Variants in RASL10B observed in about 807,000 individuals in gnomAD.
The protein encoded by RASL10B is RAS like family 10 member B, also known as ras-like protein family member 10B.
In RASL10B, 10 loss-of-function variants were observed where a neutral mutation model predicts 20.7. That is an observed-to-expected ratio of 0.48 (90% CI 0.30 to 0.82). The LOEUF is 0.82. Ranked by LOEUF, RASL10B falls within the 40% of genes least tolerant of loss-of-function variation. RASL10B has a pLI of 0.07. For synonymous variants in RASL10B, 110 were observed against 123.3 expected (o/e 0.89, Z 0.72); for missense variants, 231 against 295.4 (o/e 0.78, Z 1.60).
Position 35,735,409 on chromosome 17 carries a change from A to C in RASL10B, c.216+9A>C, listed in dbSNP as rs782153477. The stretch of plus-strand genomic sequence containing the variant: ...CTGTCAATACGCTCCAGGTAGGAGG[A>C]CCCTGGGGGGCATGGGTTAGTGGGG... On this transcript the variant is annotated intron_variant, in intron 2 of 3. Transcript: ENST00000603017. This position sits in a 1 kb window ranked among gnomAD's most constrained non-coding sequence, Gnocchi z 6.7. The C allele has an allele frequency of 2.5e-5, 40 of 1,612,660 alleles. No homozygotes were observed. In the East Asian group the frequency reaches 8.7e-4, roughly 35 times the overall value.
chr17:35,740,498 C>T lies in RASL10B; in HGVS notation c.306C>T (p.Tyr102=), dbSNP rs146982096. ...YDICCFDSFE[Y]VKTIRQQILE... is the part of the protein sequence containing the mutation. ...TCTGCTGCTTTGACAGCTTTGAGTA[C>T]GTCAAGACCATCCGCCAGCAGATCC... is the stretch of plus-strand genomic sequence containing the variant. The change falls in exon 3 of 4, where the codon TAC becomes TAT. Residue 102 remains tyrosine (Y), a synonymous_variant. Transcript: ENST00000603017. The T allele has an allele frequency of 1.9e-5, 30 of 1,613,748 alleles. No individual in the cohort carries two copies. Among genetic ancestry groups the T allele is most frequent in the African/African-American group, 5.3e-5 (4 of 74,924 alleles).
intron 2 of RASL10B, among the ~76,000 whole-genome samples, chr17:35,736,059 C>T (rs1203662489): frequency 6.6e-6 from 1 of 152,162 alleles, no homozygotes; most frequent in Non-Finnish European, 1.5e-5. Flanking sequence ...TGATGCTCTG[C>T]CCCTGACCTC....
rs782368339 is a variant in RASL10B at position 35,741,257 on chromosome 17, C to T, written c.564C>T (p.Ala188=). The change falls in exon 4 of 4, where the codon GCC becomes GCT. Residue 188 remains alanine, a synonymous_variant. Coordinates refer to ENST00000603017, the MANE Select transcript of RASL10B (RefSeq NM_033315.4). ...CCCGTTGCAAGCACGTGCACGCTGC[C>T]CTGCGCTTCCAGGGCGCGCTGCGCC... ...GCARCKHVHA[A]LRFQGALRRN... 14 of 1,564,492 alleles carry T rather than the reference C, an allele frequency of 8.9e-6. No individual in the cohort carries two copies. The South Asian group carries it at 1.4e-4, about 16-fold the overall frequency.
At chr17:35,737,917 AAG>A (rs1388459404) in intron 2 of RASL10B, among the ~76,000 whole-genome samples, 2 of 151,340 alleles carry the variant, frequency 1.3e-5, no homozygotes, top group African/African-American at 4.9e-5. Flanking sequence ...AAAAAAAAAA[AAG>A]TGTGACTGTA....
At position 35,735,513 on chromosome 17, in the gene RASL10B, T is replaced by C. The variant is rs374112746; in HGVS notation, c.216+113T>C. ...ATTGCCAGGGCCCCATCACTGAGTT[T>C]GGGAGCTCCACACTGCACCTTGGGC... On this transcript the variant is annotated intron_variant, in intron 2 of 3. Coordinates refer to ENST00000603017, the MANE Select transcript of RASL10B (RefSeq NM_033315.4). The surrounding 1 kb of genome is among the most constrained non-coding windows in gnomAD (Gnocchi z 6.7). The C allele has an allele frequency of 3.6e-5, 37 of 1,032,362 alleles. No homozygotes were observed. Among genetic ancestry groups the C allele is most frequent in the Non-Finnish European group, 5.3e-5 (37 of 697,794 alleles). 64.0% of individuals were successfully genotyped at this position (1,032,362 alleles called of 1,614,324 possible). A position where few individuals can be genotyped will look rare whatever the true frequency, so the allele number is the denominator to read the frequency against.
chr17:35,738,049 T>G (rs2085605493), intron 2 of RASL10B, among the ~76,000 whole-genome samples: 1 of 152,188 alleles, frequency 6.6e-6, no homozygotes, highest in Non-Finnish European at 1.5e-5. Flanking sequence ...TCAGAGTATA[T>G]TGTCAAACTT....
chr17:35,739,513 G>C (rs2085614931), intron 2 of RASL10B, among the ~76,000 whole-genome samples: 1 of 152,150 alleles, frequency 6.6e-6, no homozygotes, highest in Non-Finnish European at 1.5e-5. Flanking sequence ...TCTTCACCTT[G>C]AGCTGTACCC....
intron 2 of RASL10B, among the ~76,000 whole-genome samples, chr17:35,739,092 A>G (rs2085612542): frequency 6.6e-6 from 1 of 152,230 alleles, no homozygotes; most frequent in South Asian, 2.1e-4. Flanking sequence ...CAAAGAAAAG[A>G]TGCCACATCA....
Position 35,735,610 on chromosome 17 carries a change from G to A in RASL10B, c.216+210G>A, listed in dbSNP as rs766663700. ...TTTATTCAACAAATATTTGGTGACC[G>A]TTCAATGTGTGCCAGGCCCTGCAGT... is the stretch of plus-strand genomic sequence containing the variant. On this transcript the variant is annotated intron_variant, in intron 2 of 3. Coordinates refer to ENST00000603017, the MANE Select transcript of RASL10B (RefSeq NM_033315.4). This position sits in a 1 kb window ranked among gnomAD's most constrained non-coding sequence, Gnocchi z 6.7. Among the ~76,000 whole-genome samples the A allele has an allele frequency of 2.6e-5, 4 of 152,250 alleles. No homozygotes were observed. The highest frequency in any genetic ancestry group is 4.4e-5 in the Non-Finnish European group (3 of 68,050).
intron 2 of RASL10B, among the ~76,000 whole-genome samples, chr17:35,737,731 G>A (rs1249785502): frequency 4.0e-5 from 6 of 151,766 alleles, no homozygotes; most frequent in African/African-American, 1.5e-4. Flanking sequence ...ACAAAACTCC[G>A]TCTCTACCAA....
chr17:35,741,021 G>A lies in RASL10B; in HGVS notation c.342-14G>A, dbSNP rs1284327915. 2 of 1,579,608 alleles carry A rather than the reference G, an allele frequency of 1.3e-6. No homozygotes were observed. The highest frequency in any genetic ancestry group is 1.7e-6 in the Non-Finnish European group (2 of 1,157,602). On this transcript the variant is annotated splice_polypyrimidine_tract_variant and intron_variant, in intron 3 of 3. Transcript: ENST00000603017. Reference sequence around the variant, plus strand: ...GGGCTGACAGAGTTCTGAGCTGCCTGCCTCGCCCCACAGGGTGATCGGAAC... The same window carrying A: ...GGGCTGACAGAGTTCTGAGCTGCCTACCTCGCCCCACAGGGTGATCGGAAC...
chr17:35,740,970 G>T (rs1378387981), intron 3 of RASL10B, 65 bp from the exon 4 acceptor site: 1 of 1,407,058 alleles, frequency 7.1e-7, no homozygotes, highest in African/African-American at 1.4e-5. Context: ...GGCACAGCCT[G>T]CCCTGCTGGG....
Position 35,740,399 on chromosome 17 carries a change from G to A in RASL10B, c.217-10G>A, listed in dbSNP as rs377497577. 23 of 1,612,474 alleles carry A rather than the reference G, an allele frequency of 1.4e-5. No individual in the cohort carries two copies. The African/African-American group carries it at 3.1e-4, about 22-fold the overall frequency. The stretch of plus-strand genomic sequence containing the variant: ...TGCTCTGACCCTGGTACTGGCTGGG[G>A]ATATTGCAGGAGTGGGCAGACACCT... On this transcript the variant is annotated splice_polypyrimidine_tract_variant and intron_variant, in intron 2 of 3. Transcript: ENST00000603017.
In RASL10B at chr17:35,741,064, T is replaced by C; in HGVS notation, c.371T>C (p.Ile124Thr). 2 of 1,608,396 alleles carry C rather than the reference T, an allele frequency of 1.2e-6. No homozygotes were observed. Among genetic ancestry groups the C allele is most frequent in the Non-Finnish European group, 1.7e-6 (2 of 1,176,118 alleles). Residue 124 changes from isoleucine to threonine, a missense_variant, in exon 4 of 4, where the codon ATC becomes ACC. By Grantham distance (89) the Ile-to-Thr change is moderately conservative (BLOSUM62 -1). Coordinates refer to ENST00000603017, the MANE Select transcript of RASL10B (RefSeq NM_033315.4). ...ATCGGAACCTCAGAGACGCCCATCA[T>C]CATCGTGGGCAACAAGCGGGACCTG... ...RVIGTSETPIIIVGNKRDLQR... is the reference protein window; with the variant it reads ...RVIGTSETPITIVGNKRDLQR...
chr17:35,737,245 G>A (rs72829940), intron 2 of RASL10B, among the ~76,000 whole-genome samples: 18,323 of 152,206 alleles, frequency 0.12, 1,510 homozygotes, highest in South Asian at 0.23. Context: ...GGCCTCAAGC[G>A]ATCCTCCTGC....
intron 1 of RASL10B, among the ~76,000 whole-genome samples, chr17:35,732,316 G>T (rs2085563306): frequency 6.6e-6 from 1 of 152,170 alleles, no homozygotes; most frequent in Admixed American, 6.5e-5. Context: ...ACCAGGCTTC[G>T]CCCCCTGTGT....
chr17:35,735,791 A>G lies in RASL10B; in HGVS notation c.216+391A>G, dbSNP rs1289909309. ...TTAAGGGGGCATCTAGGCCATCCAG[A>G]TGTGTTGGGGTGGAGTTGGGGGGTC... On this transcript the variant is annotated intron_variant, in intron 2 of 3. Coordinates refer to ENST00000603017, the MANE Select transcript of RASL10B (RefSeq NM_033315.4). The surrounding 1 kb of genome is among the most constrained non-coding windows in gnomAD (Gnocchi z 6.7). Among the ~76,000 whole-genome samples, 2 of 152,164 alleles carry G rather than the reference A, an allele frequency of 1.3e-5. No individual in the cohort carries two copies. Among genetic ancestry groups the G allele is most frequent in the Admixed American group, 1.3e-4 (2 of 15,284 alleles).
In RASL10B at chr17:35,741,617, G is replaced by A. The variant is rs2085630013; in HGVS notation, c.*312G>A. 2.3e-5 allele frequency: 8 copies of A among 351,612 alleles called. No individual in the cohort carries two copies. Among genetic ancestry groups the A allele is most frequent in the Admixed American group, 4.9e-5 (1 of 20,468 alleles). 21.8% of individuals were successfully genotyped at this position (351,612 alleles called of 1,614,324 possible). A position where few individuals can be genotyped will look rare whatever the true frequency, so the allele number is the denominator to read the frequency against. On this transcript the variant is annotated 3_prime_UTR_variant, in exon 4 of 4. Coordinates refer to ENST00000603017, the MANE Select transcript of RASL10B (RefSeq NM_033315.4). ...GGTGAGCGTGCAATGGAGGCTGGGG[G>A]TGGCGAGGTGCCGCCTTGGCCGGGC...
intron 1 of RASL10B, among the ~76,000 whole-genome samples, chr17:35,732,995 C>A (rs2085567903): frequency 6.6e-6 from 1 of 152,298 alleles, no homozygotes; most frequent in East Asian, 1.9e-4. Context: ...GTATAAACAC[C>A]TGTTGGAGAA....
Sources: allele counts gnomAD v4.1 joint callset (sites outside exome capture counted in the v4.1 genomes callset), GRCh38; gene constraint gnomAD v4.1.1; non-coding constraint Gnocchi (gnomAD v3.1); transcripts MANE v1.5; gene names NCBI Gene and HGNC (gene_info 2026-07-23, HGNC 2026-07-21).